DBN1: variants seen among roughly 807,000 people sequenced by gnomAD.
DBN1 encodes drebrin 1, also known as drebrin.
In DBN1, 21 loss-of-function variants were observed where a neutral mutation model predicts 83.5. The observed-to-expected ratio is 0.25, with a 90% CI of 0.18 to 0.36. The LOEUF (loss-of-function observed/expected upper bound fraction) is 0.36, where lower values mean the gene tolerates loss of function less well. DBN1 is among the 10% of genes least tolerant of loss of function. DBN1 has a pLI of 1.00. For synonymous variants in DBN1, 381 were observed against 384.9 expected, an observed-to-expected ratio of 0.99 and a Z score of 0.12; for missense variants, 874 against 935.7, an observed-to-expected ratio of 0.93 and a Z score of 0.86.
At chr5:177,468,368 G>A (rs1051725831) in intron 2 of DBN1, 148 bp from the exon 3 acceptor site, 6 of 665,540 alleles carry the variant, frequency 9.0e-6, no homozygotes, top group Non-Finnish European at 1.6e-5. Flanking sequence ...CCAGTTTTGT[G>A]TTGGTATGTG....
At chr5:177,472,467 T>A in intron 1 of DBN1, 1 of 1,232,934 alleles carries the variant, frequency 8.1e-7, no homozygotes, top group Non-Finnish European at 1.0e-6. Context: ...CTCGGTTTCC[T>A]TTTTCCACCA....
rs768428618 is a variant in DBN1 at position 177,467,092 on chromosome 5, C to T, written c.556-30G>A. 2.5e-6 allele frequency: 4 copies of T among 1,613,084 alleles called. No homozygotes were observed. Among genetic ancestry groups the T allele is most frequent in the East Asian group, 2.2e-5 (1 of 44,872 alleles). ...AAGCCCCGGTGCGAACAAGGGTAGG[C>T]CCCGAGCCTAGGCGCCTGGACCCTG... On this transcript the variant is annotated intron_variant, in intron 6 of 14. Coordinates refer to ENST00000393565, the MANE Select transcript of DBN1 (RefSeq NM_001363541.2). This position sits in a 1 kb window ranked among gnomAD's most constrained non-coding sequence, Gnocchi z 9.1.
chr5:177,468,009 AGC>A, intron 3 of DBN1, 97 bp downstream of exon 3: 1 of 649,304 alleles, frequency 1.5e-6, no homozygotes, highest in South Asian at 1.7e-5. Flanking sequence ...GTTGATGAGC[AGC>A]TCTGGGCCCT....
rs759829739 is a variant in DBN1 at position 177,459,237 on chromosome 5, C to T, written c.1125G>A (p.Ala375=). Residue 375 remains alanine, a synonymous_variant, in exon 12 of 15, where the codon GCG becomes GCA. Transcript: ENST00000393565. ...CSHLDSHRRM[A]PTPIPTRSPS... ...GGCTCCGCGTGGGGATGGGAGTGGG[C>T]GCCATCCTCCGGTGGCTGTCCAGGT... The T allele has an allele frequency of 4.3e-6, 7 of 1,609,688 alleles. No homozygotes were observed. Among genetic ancestry groups the T allele is most frequent in the Non-Finnish European group, 5.1e-6 (6 of 1,179,074 alleles).
Position 177,467,007 on chromosome 5 carries a change from A to G in DBN1, c.611T>C (p.Leu204Pro). 6.2e-7 allele frequency: 1 copy of G among 1,613,616 alleles called. No individual in the cohort carries two copies. Among genetic ancestry groups the G allele is most frequent in the Non-Finnish European group, 8.5e-7 (1 of 1,179,884 alleles). ...EERKKALDER[L>P]RFEQERMEQE... ...CTCCATCCGCTCCTGCTCGAACCTG[A>G]GCCTCTCATCCAGGGCCTTCTTCCG... The change falls in exon 7 of 15, where the codon CTC becomes CCC. Residue 204 changes from leucine (L) to proline (P), a missense_variant. By Grantham distance (98) the Leu-to-Pro change is moderately conservative (BLOSUM62 -3). Around this residue, in one of 4 missense-constraint regions of DBN1, gnomAD observed 725 missense variants for 719.7 expected, o/e 1.01. Transcript: ENST00000393565. The surrounding 1 kb of genome is among the most constrained non-coding windows in gnomAD (Gnocchi z 9.1).
intron 8 of DBN1, among the ~76,000 whole-genome samples, chr5:177,463,065 C>G (rs541131458): frequency 1.3e-5 from 2 of 151,676 alleles, no homozygotes; most frequent in Non-Finnish European, 2.9e-5. Context: ...TAATCTGAGA[C>G]AGAGTCTTTC....
intron 12 of DBN1, 131 bp downstream of exon 12, chr5:177,458,967 C>A: frequency 6.9e-7 from 1 of 1,450,238 alleles, no homozygotes. Context: ...CCCCACACAG[C>A]CGCCTCCAGG....
At position 177,466,290 on chromosome 5, in the gene DBN1, G is replaced by A. The variant is rs747422440; in HGVS notation, c.771+482C>T. Among the ~76,000 whole-genome samples, 6 of 152,158 alleles carry A rather than the reference G, an allele frequency of 3.9e-5. No homozygotes were observed. Among genetic ancestry groups the A allele is most frequent in the Admixed American group, 6.5e-5 (1 of 15,274 alleles). ...TCAGGGACCAATCCACAGGACCTAC[G>A]GGCCATTCCCAATGTGTGGAGATTC... On this transcript the variant is annotated intron_variant, in intron 8 of 14. Coordinates refer to ENST00000393565, the MANE Select transcript of DBN1 (RefSeq NM_001363541.2). The surrounding 1 kb of genome is among the most constrained non-coding windows in gnomAD (Gnocchi z 4.8).
Position 177,459,221 on chromosome 5 carries a change from TG to T in DBN1, c.1140del (p.Thr381ArgfsTer18). On this transcript the variant is annotated frameshift_variant, in exon 12 of 15. Coordinates refer to ENST00000393565, the MANE Select transcript of DBN1 (RefSeq NM_001363541.2). LOFTEE classifies it high-confidence loss of function. ...GTGCTGGAGTCAGACGGGCTCCGCG[TG>T]GGGATGGGAGTGGGCGCCATCCTCC... Reference protein sequence around the residue: ...SHRRMAPTPIPTRSPSDSSTA... With the variant: ...SHRRMAPTPIXTRSPSDSSTA... The T allele has an allele frequency of 6.2e-7, 1 of 1,610,982 alleles. No individual in the cohort carries two copies. Among genetic ancestry groups the T allele is most frequent in the Non-Finnish European group, 8.5e-7 (1 of 1,179,062 alleles).
Position 177,458,628 on chromosome 5 carries a change from C to A in DBN1, c.1344G>T (p.Glu448Asp), listed in dbSNP as rs1187141597. Residue 448 changes from glutamate (E) to aspartate (D), a missense_variant, in exon 13 of 15, where the codon GAG becomes GAT. Around this residue, in one of 4 missense-constraint regions of DBN1, gnomAD observed 725 missense variants for 719.7 expected, o/e 1.01. Coordinates refer to ENST00000393565, the MANE Select transcript of DBN1 (RefSeq NM_001363541.2). ...GAGGCGCCTGTGCCTGAGGGGGCTC[C>A]TCCATGGGGCCGGCCCAGGCCTGAG... ...AAPQAWAGPM[E>D]EPPQAQAPPR... The A allele has an allele frequency of 1.2e-6, 2 of 1,606,744 alleles. No individual in the cohort carries two copies. Among genetic ancestry groups the A allele is most frequent in the South Asian group, 2.2e-5 (2 of 90,068 alleles).
chr5:177,460,021 G>C (rs1374593368), intron 10 of DBN1, among the ~76,000 whole-genome samples: 1 of 152,190 alleles, frequency 6.6e-6, no homozygotes, highest in Non-Finnish European at 1.5e-5. Context: ...CAGGAGAGGC[G>C]GAAGCAGCAC....
At chr5:177,468,963 CG>C in intron 1 of DBN1, 64 bp from the exon 2 acceptor site, 1 of 1,092,662 alleles carries the variant, frequency 9.2e-7, no homozygotes, top group Non-Finnish European at 1.2e-6. Flanking sequence ...TGGGTGGGGA[CG>C]GCTCTGGGGA....
rs1757651160 is a variant in DBN1 at position 177,468,837 on chromosome 5, T to C, written c.142+7A>G. The C allele has an allele frequency of 1.5e-6, 2 of 1,322,480 alleles. No individual in the cohort carries two copies. Among genetic ancestry groups the C allele is most frequent in the Admixed American group, 2.9e-5 (1 of 34,272 alleles). The allele number at this position is 1,322,480 out of a possible 1,614,324, so 81.9% of individuals were successfully genotyped here. ...GAAGGCGGCGAGGGAATGGCTGGAATTCCTACCTCCTGATGCTGCAAGCTT... is the reference window on the plus strand; with the variant it reads ...GAAGGCGGCGAGGGAATGGCTGGAACTCCTACCTCCTGATGCTGCAAGCTT... On this transcript the variant is annotated splice_region_variant and intron_variant, in intron 2 of 14. Coordinates refer to ENST00000393565, the MANE Select transcript of DBN1 (RefSeq NM_001363541.2).
Position 177,460,455 on chromosome 5 carries a change from G to A in DBN1, c.932C>T (p.Pro311Leu), listed in dbSNP as rs201548561. 996 of 1,614,052 alleles carry A rather than the reference G, an allele frequency of 6.2e-4. 2 individuals are homozygous for A. Among genetic ancestry groups the A allele is most frequent in the Middle Eastern group, 2.0e-3 (12 of 6,000 alleles). Residue 311 changes from proline (P) to leucine (L), a missense_variant, in exon 10 of 15, where the codon CCC becomes CTC. This residue lies in a region of DBN1 where 725 missense variants were observed against 719.7 expected (regional missense o/e 1.01). Transcript: ENST00000393565. ...ACCTGGTCGATGGTTGAAGGGCGAG[G>A]GTACATCACAGCTGCCCGCAGAGGC... is the stretch of plus-strand genomic sequence containing the variant. ...ASASAGSCDV[P>L]SPFNHRPGRP...
rs1757513463 is a variant in DBN1 at position 177,467,288 on chromosome 5, C to A, written c.522G>T (p.Arg174=). The A allele has an allele frequency of 6.2e-7, 1 of 1,614,070 alleles. No individual in the cohort carries two copies. Among genetic ancestry groups the A allele is most frequent in the Admixed American group, 1.7e-5 (1 of 60,004 alleles). The change falls in exon 6 of 15, where the codon CGG becomes CGT. Residue 174 remains arginine, a synonymous_variant. Coordinates refer to ENST00000393565, the MANE Select transcript of DBN1 (RefSeq NM_001363541.2). The surrounding 1 kb of genome is among the most constrained non-coding windows in gnomAD (Gnocchi z 9.1). The part of the protein sequence containing the change: ...QKTDAAVEMK[R]INREQFWEQA... ...GCTCCCAGAACTGCTCTCGGTTAAT[C>A]CGCTTCATTTCCACAGCTGCATCCG...
rs539732916 is a variant in DBN1, at chr5:177,468,134, G to A, written c.229C>T (p.Leu77=). Reference sequence around the variant, plus strand: ...CAGTTGATGAGCACGTATTTTGGCAGAGCAGCTTGGGAGTCCTTGACACTG... The same window carrying A: ...CAGTTGATGAGCACGTATTTTGGCAAAGCAGCTTGGGAGTCCTTGACACTG... ...FCSVKDSQAA[L]PKYVLINWVG... Residue 77 remains leucine, a synonymous_variant, in exon 3 of 15, where the codon CTG becomes TTG. Transcript: ENST00000393565. The A allele has an allele frequency of 3.7e-6, 6 of 1,612,866 alleles. No individual in the cohort carries two copies. In the Admixed American group the frequency reaches 1.0e-4, roughly 27 times the overall value.
chr5:177,459,674 G>A lies in DBN1; in HGVS notation c.1022C>T (p.Ser341Phe), dbSNP rs1178508499. The change falls in exon 11 of 15, where the codon TCC becomes TTC. Residue 341 changes from serine (S) to phenylalanine (F), a missense_variant. Ser to Phe is a radical substitution (Grantham distance 155). Around this residue, in one of 4 missense-constraint regions of DBN1, gnomAD observed 725 missense variants for 719.7 expected, o/e 1.01. Transcript: ENST00000393565. ...GGGAAAGGGAGTCCGTGGAGGGGAG[G>A]AGGAGGAAGAGGAGGAGGAGGAAGG... ...SGPSSSSSSSSSPPRTPFPYI... is the reference protein window; with the variant it reads ...SGPSSSSSSSFSPPRTPFPYI... 6.3e-7 allele frequency: 1 copy of A among 1,592,602 alleles called. No homozygotes were observed. Among genetic ancestry groups the A allele is most frequent in the African/African-American group, 1.3e-5 (1 of 74,398 alleles).
chr5:177,472,499 G>A (rs1466965138), intron 1 of DBN1: 4 of 1,019,956 alleles, frequency 3.9e-6, no homozygotes, highest in African/African-American at 1.7e-5. Context: ...CAGCCCCAGA[G>A]CAGGTGGTCC....
intron 10 of DBN1, 37 bp downstream of exon 10, chr5:177,460,392 TGAG>T (rs759998043): frequency 6.2e-7 from 1 of 1,611,938 alleles, no homozygotes; most frequent in Non-Finnish European, 8.5e-7. Flanking sequence ...GGCCGCAACC[TGAG>T]GAGTGGGGCC....
Sources: allele counts gnomAD v4.1 joint callset (sites outside exome capture counted in the v4.1 genomes callset), GRCh38; gene constraint gnomAD v4.1.1; regional missense constraint gnomAD v4.1.1; non-coding constraint Gnocchi (gnomAD v3.1); transcripts MANE v1.5; gene names NCBI Gene and HGNC (gene_info 2026-07-23, HGNC 2026-07-21).